Variants in ZC4H2 observed in about 807,000 individuals in gnomAD.
ZC4H2 encodes zinc finger C4H2-type containing.
For missense variants in ZC4H2, 137 were observed against 173.9 expected (o/e 0.79, Z 1.19); for synonymous variants, 84 against 66.3 (o/e 1.27, Z -1.30).
upstream of ZC4H2, among the ~76,000 whole-genome samples, chrX:64,980,714 C>A (rs939599363): frequency 1.8e-5 from 2 of 111,037 alleles, no homozygotes; most frequent in African/African-American, 6.6e-5. Context: ...CAGAGTAACA[C>A]AGCTAGTAAG....
rs956614641 is a variant in ZC4H2 at position 64,937,638 on chromosome X, A to T, written c.54-15650T>A. On this transcript the variant is annotated intron_variant, in intron 1 of 4. Transcript: ENST00000374839. ...CTCAGAATTAAGAAATTCACTCAAA[A>T]CCACACAACTACATGCAAACTGAAC... 9.8e-5 allele frequency among the ~76,000 whole-genome samples: 11 copies of T among 111,928 alleles called. No homozygotes were observed. In the Admixed American group the frequency reaches 1.0e-3, roughly 11 times the overall value.
At chrX:64,979,668 G>C (rs775985723), upstream of ZC4H2, among the ~76,000 whole-genome samples, 1 of 111,987 alleles carries the variant, frequency 8.9e-6, no homozygotes, top group Non-Finnish European at 1.9e-5. Flanking sequence ...GCAAGCCAAG[G>C]TGGTGGCTTT....
intron 1 of ZC4H2, among the ~76,000 whole-genome samples, chrX:64,951,661 T>G (rs1404179119): frequency 8.9e-6 from 1 of 111,744 alleles, no homozygotes; most frequent in Non-Finnish European, 1.9e-5. Flanking sequence ...TGTTTTTTCT[T>G]GTAAATTTGT....
chrX:65,016,726 C>G (rs955455111), intron 1 of ZC4H2, among the ~76,000 whole-genome samples: 2 of 111,870 alleles, frequency 1.8e-5, no homozygotes, highest in Non-Finnish European at 3.8e-5. Flanking sequence ...ATTAGTTGGA[C>G]CAGGGCCCAA....
chrX:65,010,341 C>T (rs1932737579), intron 1 of ZC4H2, among the ~76,000 whole-genome samples: 1 of 112,565 alleles, frequency 8.9e-6, no homozygotes, highest in East Asian at 2.8e-4. Context: ...TACAATCAAA[C>T]TTAGTACTAC....
intron 1 of ZC4H2, among the ~76,000 whole-genome samples, chrX:64,999,567 G>T (rs913573414): frequency 8.9e-6 from 1 of 111,935 alleles, no homozygotes; most frequent in Non-Finnish European, 1.9e-5. Context: ...TACCCCAGTG[G>T]CTCCTGGAAT....
intron 1 of ZC4H2, among the ~76,000 whole-genome samples, chrX:65,000,944 C>A (rs1479211759): frequency 1.8e-5 from 2 of 111,081 alleles, no homozygotes; most frequent in Non-Finnish European, 3.8e-5. Context: ...TGTGAAAAGA[C>A]CAAACTTATA....
chrX:64,947,845 C>CTTTTTTTTTTTTTTTTT (rs755382195), intron 1 of ZC4H2, among the ~76,000 whole-genome samples: 1 of 100,908 alleles, frequency 9.9e-6, no homozygotes, highest in African/African-American at 3.7e-5. Flanking sequence ...TGTCACTTCT[C>CTTTTTTTTTTTTTTTTT]TTTTTTTTTT....
At chrX:64,994,324 A>T (rs146312171) in intron 1 of ZC4H2, among the ~76,000 whole-genome samples, 124 of 112,073 alleles carry the variant, frequency 1.1e-3, no homozygotes, top group African/African-American at 4.0e-3. Flanking sequence ...TTCATAAGTG[A>T]CACAGCAAGG....
rs369947444 is a variant in ZC4H2 at position 64,995,629 on chromosome X, G to A, written c.-272+39000C>T. On this transcript the variant is annotated intron_variant, in intron 1 of 4. Transcript: ENST00000337990. Reference sequence around the variant, plus strand: ...CCTGCCTTGGCCTCCCAAAGTGCTGGGATTACAGGCGTGAGCCACCACATC... The same window carrying A: ...CCTGCCTTGGCCTCCCAAAGTGCTGAGATTACAGGCGTGAGCCACCACATC... Among the ~76,000 whole-genome samples, 52 of 112,412 alleles carry A rather than the reference G, an allele frequency of 4.6e-4. 1 individual carries two copies. The South Asian group carries it at 0.017, about 38-fold the overall frequency.
intron 1 of ZC4H2, among the ~76,000 whole-genome samples, chrX:64,951,204 C>A (rs1196159466): frequency 1.8e-5 from 2 of 112,469 alleles, no homozygotes; most frequent in Non-Finnish European, 3.8e-5. Flanking sequence ...TCCAGTCTGT[C>A]ATTGTTGGAC....
chrX:64,955,151 C>T (rs940229073), intron 1 of ZC4H2, among the ~76,000 whole-genome samples: 1 of 111,545 alleles, frequency 9.0e-6, no homozygotes, highest in Non-Finnish European at 1.9e-5. Context: ...AGTTTATGAA[C>T]AATATTTGGT....
chrX:64,998,416 AC>A (rs981645757), intron 1 of ZC4H2, among the ~76,000 whole-genome samples: 3 of 112,225 alleles, frequency 2.7e-5, no homozygotes, highest in Non-Finnish European at 3.8e-5. Context: ...TAAGAGAAAA[AC>A]TAGGATATTA....
intron 1 of ZC4H2, among the ~76,000 whole-genome samples, chrX:65,014,933 T>C (rs1932787686): frequency 8.9e-6 from 1 of 111,879 alleles, no homozygotes; most frequent in Non-Finnish European, 1.9e-5. Context: ...CCAGTTATAC[T>C]TAGAATAAAT....
At chrX:64,939,860 A>T in intron 1 of ZC4H2, among the ~76,000 whole-genome samples, 1 of 111,947 alleles carries the variant, frequency 8.9e-6, no homozygotes, top group Non-Finnish European at 1.9e-5. Flanking sequence ...ACCATTCAGG[A>T]CATAGTAATG....
At chrX:65,032,912 G>T (rs774508340) in intron 1 of ZC4H2, among the ~76,000 whole-genome samples, 7 of 111,299 alleles carry the variant, frequency 6.3e-5, no homozygotes, top group Non-Finnish European at 1.1e-4. Flanking sequence ...AAGTAGCTGG[G>T]ATTACAGGCA....
chrX:64,963,659 C>T (rs1437936956), intron 1 of ZC4H2, among the ~76,000 whole-genome samples: 4 of 110,919 alleles, frequency 3.6e-5, no homozygotes, highest in South Asian at 3.7e-4. Context: ...ATAAACATGG[C>T]CAACAGGTAT....
intron 1 of ZC4H2, among the ~76,000 whole-genome samples, chrX:65,031,978 T>C (rs1369724554): frequency 8.9e-6 from 1 of 112,535 alleles, no homozygotes; most frequent in Non-Finnish European, 1.9e-5. Context: ...GCTACTTATA[T>C]GCATGTACTC....
chrX:65,004,969 C>T (rs7058538), intron 1 of ZC4H2, among the ~76,000 whole-genome samples: 9,109 of 111,176 alleles, frequency 0.082, 1,022 homozygotes, highest in African/African-American at 0.29. Flanking sequence ...CATGAGTGAA[C>T]TCCCATTCAC....
Sources: allele counts gnomAD v4.1 joint callset (sites outside exome capture counted in the v4.1 genomes callset), GRCh38; gene constraint gnomAD v4.1.1; transcripts MANE v1.5; gene names NCBI Gene and HGNC (gene_info 2026-07-23, HGNC 2026-07-21).